ADAM12: variants seen among roughly 807,000 people sequenced by gnomAD.
The protein encoded by ADAM12 is ADAM metallopeptidase domain 12.
Under a neutral mutation model 106.4 loss-of-function variants are expected in ADAM12, and 70 were observed. The ratio of observed to expected loss-of-function variants is 0.66; its 90% CI spans 0.54 to 0.80. The LOEUF is 0.80. Among genes scored for constraint, ADAM12 ranks in the 30% least tolerant of loss-of-function variants. The pLI is 0.00. For synonymous variants in ADAM12, 420 were observed against 433.5 expected (o/e 0.97, Z 0.39); for missense variants, 1,010 against 1,171.9 (o/e 0.86, Z 2.02).
At chr10:126,104,634 G>A (rs563095862) in intron 8 of ADAM12, among the ~76,000 whole-genome samples, 11 of 152,100 alleles carry the variant, frequency 7.2e-5, no homozygotes, top group Non-Finnish European at 1.3e-4. Flanking sequence ...TGCACTCCCC[G>A]GGCTCCTGTG....
chr10:126,087,553 C>T (rs1025629490), intron 11 of ADAM12, among the ~76,000 whole-genome samples: 1 of 152,088 alleles, frequency 6.6e-6, no homozygotes, highest in Non-Finnish European at 1.5e-5. Flanking sequence ...TGAAGATTTT[C>T]TTAAACTTTT....
At chr10:126,277,085 G>A (rs1959290543) in intron 3 of ADAM12, among the ~76,000 whole-genome samples, 1 of 151,950 alleles carries the variant, frequency 6.6e-6, no homozygotes, top group African/African-American at 2.4e-5. Flanking sequence ...CAACTAAGAA[G>A]ACAAAAGAAA....
At chr10:126,155,400 C>A in intron 3 of ADAM12, 95 bp from the exon 4 acceptor site, 2 of 1,127,920 alleles carry the variant, frequency 1.8e-6, no homozygotes, top group South Asian at 1.5e-5. Context: ...AAGATTGTGA[C>A]CTCCTTTTTT....
rs748954426 is a variant in ADAM12 at position 126,066,828 on chromosome 10, G to A, written c.1324-22C>T. The stretch of plus-strand genomic sequence containing the variant: ...ATTCCTGGAAAGGGGAATGGCATTT[G>A]TTTGACAGGGTCTTATGGAGTATGC... On this transcript the variant is annotated intron_variant, in intron 12 of 22. Transcript: ENST00000448723. The surrounding 1 kb of genome is among the most constrained non-coding windows in gnomAD (Gnocchi z 5.1). The A allele has an allele frequency of 1.9e-6, 3 of 1,601,768 alleles. No homozygotes were observed. In the South Asian group the frequency reaches 3.3e-5, roughly 18 times the overall value.
chr10:126,205,693 AAG>A (rs1957782444), intron 3 of ADAM12, among the ~76,000 whole-genome samples: 1 of 152,244 alleles, frequency 6.6e-6, no homozygotes. Flanking sequence ...AACCCAGGCT[AAG>A]ATATAGAATC....
chr10:126,274,525 C>T (rs10751543), intron 3 of ADAM12, among the ~76,000 whole-genome samples: 142,873 of 152,272 alleles, frequency 0.94, 67,628 homozygotes, highest in East Asian at 1. Context: ...TTAAATCTCA[C>T]CTTGTTAGTT....
At chr10:126,130,987 C>T (rs1175644131) in intron 5 of ADAM12, among the ~76,000 whole-genome samples, 1 of 152,120 alleles carries the variant, frequency 6.6e-6, no homozygotes, top group East Asian at 1.9e-4. Flanking sequence ...ATTATCCAGC[C>T]AATCCTGGAT....
At position 126,228,625 on chromosome 10, in the gene ADAM12, T is replaced by C. The variant is rs150060472; in HGVS notation, c.260+50290A>G. On this transcript the variant is annotated intron_variant, in intron 3 of 22. Transcript: ENST00000448723. ...AGGGTATTTTTACACTCTGGAAATA[T>C]AAGACAATTTCCTACTAAATGAAAC... Among the ~76,000 whole-genome samples the C allele has an allele frequency of 6.0e-4, 91 of 152,322 alleles. No individual in the cohort carries two copies. The East Asian group carries it at 0.017, about 29-fold the overall frequency.
intron 14 of ADAM12, among the ~76,000 whole-genome samples, chr10:126,052,774 G>A (rs1954537205): frequency 6.6e-6 from 1 of 152,182 alleles, no homozygotes; most frequent in East Asian, 1.9e-4. Flanking sequence ...ACCAGATAAA[G>A]GGCTATCGTT....
intron 3 of ADAM12, among the ~76,000 whole-genome samples, chr10:126,276,461 A>AT (rs928741829): frequency 7.9e-5 from 12 of 152,080 alleles, no homozygotes; most frequent in East Asian, 3.9e-4. Context: ...ACTCTACTTG[A>AT]TTTTTTTTGT....
intron 3 of ADAM12, among the ~76,000 whole-genome samples, chr10:126,168,965 T>C (rs1052450767): frequency 7.9e-5 from 12 of 151,922 alleles, no homozygotes; most frequent in African/African-American, 2.9e-4. Context: ...AGGCAGGAGA[T>C]TTGTGTGAAT....
intron 4 of ADAM12, 66 bp downstream of exon 4, chr10:126,155,161 G>A (rs374522250): frequency 1.9e-6 from 3 of 1,550,548 alleles, no homozygotes; most frequent in Non-Finnish European, 2.7e-6. Context: ...CGAATAAAAT[G>A]GCTACAAAGG....
At chr10:126,145,973 C>G (rs1164927673) in intron 4 of ADAM12, among the ~76,000 whole-genome samples, 1 of 152,112 alleles carries the variant, frequency 6.6e-6, no homozygotes, top group Non-Finnish European at 1.5e-5. Context: ...TTGGGAGGAT[C>G]AAAATGTAAA....
At chr10:126,364,752 C>A (rs1050773963) in intron 1 of ADAM12, among the ~76,000 whole-genome samples, 5 of 151,906 alleles carry the variant, frequency 3.3e-5, no homozygotes, top group African/African-American at 9.7e-5. Flanking sequence ...TTAAAAAAAT[C>A]AAAAATTATT....
Position 126,036,053 on chromosome 10 carries a change from G to A in ADAM12, c.2529+93C>T, listed in dbSNP as rs921291554. 31 of 1,152,052 alleles carry A rather than the reference G, an allele frequency of 2.7e-5. No homozygotes were observed. In the South Asian group the frequency reaches 3.0e-4, roughly 11 times the overall value. 71.4% of individuals were successfully genotyped at this position (1,152,052 alleles called of 1,614,324 possible). A position where few individuals can be genotyped will look rare whatever the true frequency, so the allele number is the denominator to read the frequency against. ...ATTATCTCCATTTTACAGAGGCACCGAGAAGTTAAGCAACTTATCTAAGCT... is the reference window on the plus strand; with the variant it reads ...ATTATCTCCATTTTACAGAGGCACCAAGAAGTTAAGCAACTTATCTAAGCT... On this transcript the variant is annotated intron_variant, in intron 21 of 22. Transcript: ENST00000448723.
Position 126,043,117 on chromosome 10 carries a change from T to A in ADAM12, c.2027A>T (p.Glu676Val). ...VCNNRKNCHCEAHWAPPFCDK... is the reference protein window; with the variant it reads ...VCNNRKNCHCVAHWAPPFCDK... ...ACAGAAGGGAGGTGCCCAGTGGGCC[T>A]CGCAGTGGCAGTTCTTCCTGTTGTT... The change falls in exon 18 of 23, where the codon GAG becomes GTG. Residue 676 changes from glutamate (E) to valine (V), a missense_variant. Around this residue, in one of 3 missense-constraint regions of ADAM12, gnomAD observed 615 missense variants for 708.5 expected, o/e 0.87. Transcript: ENST00000448723. This position sits in a 1 kb window ranked among gnomAD's most constrained non-coding sequence, Gnocchi z 4.1. The A allele has an allele frequency of 6.2e-7, 1 of 1,614,178 alleles. No homozygotes were observed. The highest frequency in any genetic ancestry group is 8.5e-7 in the Non-Finnish European group (1 of 1,180,014).
At chr10:126,048,370 T>G (rs1318165766) in intron 16 of ADAM12, among the ~76,000 whole-genome samples, 1 of 152,040 alleles carries the variant, frequency 6.6e-6, no homozygotes, top group Non-Finnish European at 1.5e-5. Context: ...TGAGCAAATG[T>G]GGGTAAGGAG....
intron 3 of ADAM12, among the ~76,000 whole-genome samples, chr10:126,202,538 T>G (rs563694853): frequency 1.3e-5 from 2 of 152,104 alleles, no homozygotes; most frequent in Non-Finnish European, 2.9e-5. Context: ...CAGAAGAAGA[T>G]AAAGGTCACT....
chr10:126,274,616 C>T (rs1009802315), intron 3 of ADAM12, among the ~76,000 whole-genome samples: 1 of 152,198 alleles, frequency 6.6e-6, no homozygotes, highest in Non-Finnish European at 1.5e-5. Context: ...CCTAGCTCTG[C>T]ATTGCCAGGA....
Sources: allele counts gnomAD v4.1 joint callset (sites outside exome capture counted in the v4.1 genomes callset), GRCh38; gene constraint gnomAD v4.1.1; regional missense constraint gnomAD v4.1.1; non-coding constraint Gnocchi (gnomAD v3.1); transcripts MANE v1.5; gene names NCBI Gene and HGNC (gene_info 2026-07-23, HGNC 2026-07-21).